TEKT5: variants seen among roughly 807,000 people sequenced by gnomAD.
TEKT5 encodes the protein tektin 5.
Under a neutral mutation model 48.7 loss-of-function variants are expected in TEKT5, and 52 were observed. That is an observed-to-expected ratio of 1.07 (90% CI 0.86 to 1.35). The LOEUF is 1.35. Among genes scored for constraint, TEKT5 ranks in the 40% most tolerant of loss-of-function variants. The pLI, the probability that TEKT5 is intolerant of heterozygous loss-of-function variation, is 0.00. For synonymous variants in TEKT5, 318 were observed against 267.6 expected, an observed-to-expected ratio of 1.19 and a Z score of -1.84; for missense variants, 831 against 641.6, an observed-to-expected ratio of 1.30 and a Z score of -3.19.
intron 4 of TEKT5, among the ~76,000 whole-genome samples, chr16:10,678,153 G>C (rs1898681467): frequency 6.6e-6 from 1 of 152,118 alleles, no homozygotes; most frequent in Admixed American, 6.6e-5. Flanking sequence ...TGAAGGTCTT[G>C]AGTGGCGGGA....
At position 10,635,849 on chromosome 16, in the gene TEKT5, C is replaced by T. The variant is rs1286717566; in HGVS notation, c.1156G>A (p.Gly386Ser). Residue 386 changes from glycine to serine, a missense_variant, in exon 6 of 7, where the codon GGC (glycine) becomes AGC (serine). Physicochemically the swap from Gly to Ser is moderately conservative, Grantham distance 56. Coordinates refer to ENST00000283025, the MANE Select transcript of TEKT5 (RefSeq NM_144674.2). Reference protein sequence around the residue: ...LLERSIMAKEGPLKVAQTRLE... With the variant: ...LLERSIMAKESPLKVAQTRLE... ...CTTGTCTGGGCCACCTTCAGCGGGC[C>T]CTCCTTGGCCATGATGGACCTTTCC... 1 of 1,614,138 alleles carries T rather than the reference C, an allele frequency of 6.2e-7. No individual in the cohort carries two copies. The highest frequency in any genetic ancestry group is 1.7e-5 in the Admixed American group (1 of 60,014).
chr16:10,686,238 A>G (rs1166576637), intron 3 of TEKT5, among the ~76,000 whole-genome samples: 1 of 152,240 alleles, frequency 6.6e-6, no homozygotes, highest in African/African-American at 2.4e-5. Flanking sequence ...GTGGAAAGGT[A>G]CATGCCGAAG....
At chr16:10,666,909 G>C (rs1384192467) in intron 5 of TEKT5, among the ~76,000 whole-genome samples, 1 of 152,046 alleles carries the variant, frequency 6.6e-6, no homozygotes, top group African/African-American at 2.4e-5. Context: ...ACTGATGCAG[G>C]GGTAACTATT....
Position 10,690,000 on chromosome 16 carries a change from C to T in TEKT5, c.590G>A (p.Arg197Gln), listed in dbSNP as rs745599386. 3.1e-6 allele frequency: 5 copies of T among 1,614,056 alleles called. No individual in the cohort carries two copies. The highest frequency in any genetic ancestry group is 1.3e-5 in the African/African-American group (1 of 75,024). ...CAAATCAATCCCAATCCTCTTCTCT[C>T]GATGGTACAGACACTCCAAGGCCAC... ...LQVALECLYH[R>Q]EKRIGIDLVH... The change falls in exon 2 of 7, where the codon CGA becomes CAA. Residue 197 changes from arginine (R) to glutamine (Q), a missense_variant. Transcript: ENST00000283025.
intron 5 of TEKT5, among the ~76,000 whole-genome samples, chr16:10,647,874 C>T (rs1277675383): frequency 2.6e-5 from 4 of 152,236 alleles, no homozygotes; most frequent in African/African-American, 7.2e-5. Context: ...CTGTTCTAGG[C>T]AGTGGATCCG....
Position 10,694,359 on chromosome 16 carries a change from A to C in TEKT5, c.515T>G (p.Val172Gly), listed in dbSNP as rs200113019. 1 of 1,613,104 alleles carries C rather than the reference A, an allele frequency of 6.2e-7. No homozygotes were observed. Among genetic ancestry groups the C allele is most frequent in the Non-Finnish European group, 8.5e-7 (1 of 1,179,496 alleles). The change falls in exon 1 of 7, where the codon GTC (valine) becomes GGC (glycine). Residue 172 changes from valine (V) to glycine (G), a missense_variant. Coordinates refer to ENST00000283025, the MANE Select transcript of TEKT5 (RefSeq NM_144674.2). ...GGCCGCGCACTCCAGCCGCCTCTTG[A>C]CCGTCTCCAAGTTCTGGTTCTCAGT... ...LLTENQNLET[V>G]KRRLECAANE...
chr16:10,682,886 G>A (rs1032420052), intron 3 of TEKT5, among the ~76,000 whole-genome samples: 1 of 152,198 alleles, frequency 6.6e-6, no homozygotes, highest in Non-Finnish European at 1.5e-5. Context: ...TTTGGACAAA[G>A]CCTGATGCAA....
rs1898957229 is a variant in TEKT5, at chr16:10,690,721, G to C, written c.565-696C>G. 4 of 985,302 alleles carry C rather than the reference G, an allele frequency of 4.1e-6. No homozygotes were observed. In the African/African-American group the frequency reaches 7.0e-5, roughly 17 times the overall value. 61.0% of individuals were successfully genotyped at this position (985,302 alleles called of 1,614,324 possible). On this transcript the variant is annotated intron_variant, in intron 1 of 6. Coordinates refer to ENST00000283025, the MANE Select transcript of TEKT5 (RefSeq NM_144674.2). ...CAACTCTCATGCAGACCTGGGCAGA[G>C]CAGAAGAGAGGACAGGACAAGGGGC... is the stretch of plus-strand genomic sequence containing the variant.
chr16:10,688,975 C>T (rs1431716211), intron 3 of TEKT5, among the ~76,000 whole-genome samples: 3 of 152,160 alleles, frequency 2.0e-5, no homozygotes, highest in East Asian at 1.9e-4. Flanking sequence ...CAGCGATGCA[C>T]GGGTTGTGAG....
At chr16:10,647,268 G>A (rs1046935330) in intron 5 of TEKT5, among the ~76,000 whole-genome samples, 1 of 151,772 alleles carries the variant, frequency 6.6e-6, no homozygotes, top group East Asian at 1.9e-4. Context: ...CCAGGAATTC[G>A]ACCAGCTTGG....
At chr16:10,693,460 G>T (rs1899017098) in intron 1 of TEKT5, among the ~76,000 whole-genome samples, 1 of 152,184 alleles carries the variant, frequency 6.6e-6, no homozygotes, top group Non-Finnish European at 1.5e-5. Flanking sequence ...GCTTCGCCCT[G>T]TCCTAGGCTG....
At chr16:10,666,007 G>A (rs1358311058) in intron 5 of TEKT5, among the ~76,000 whole-genome samples, 1 of 152,212 alleles carries the variant, frequency 6.6e-6, no homozygotes, top group Non-Finnish European at 1.5e-5. Flanking sequence ...AGCACTTTGG[G>A]AGGCCGAGGC....
intron 2 of TEKT5, among the ~76,000 whole-genome samples, 173 bp downstream of exon 2, chr16:10,689,769 T>G (rs1353513683): frequency 1.3e-5 from 2 of 152,118 alleles, no homozygotes; most frequent in African/African-American, 2.4e-5. Flanking sequence ...ATAACTCCAT[T>G]ACTCCCTGTT....
chr16:10,644,129 C>T (rs1898034677), intron 5 of TEKT5, among the ~76,000 whole-genome samples: 1 of 152,178 alleles, frequency 6.6e-6, no homozygotes, highest in Non-Finnish European at 1.5e-5. Flanking sequence ...ACACAAGGGG[C>T]TTGCACTGTA....
chr16:10,682,050 A>T lies in TEKT5; in HGVS notation c.806T>A (p.Leu269Gln). Residue 269 changes from leucine to glutamine, a missense_variant, in exon 4 of 7, where the codon CTG (leucine) becomes CAG (glutamine). Transcript: ENST00000283025. ...GCTGATGCAGTCTGACGTATTTCTC[A>T]GGTTAAAGCACTTCTCATCGATACA... is the stretch of plus-strand genomic sequence containing the variant. Reference protein sequence around the residue: ...AQCIDEKCFNLRNTSDCISFF... With the variant: ...AQCIDEKCFNQRNTSDCISFF... The T allele has an allele frequency of 6.2e-7, 1 of 1,614,112 alleles. No homozygotes were observed. The highest frequency in any genetic ancestry group is 1.3e-5 in the African/African-American group (1 of 75,028).
chr16:10,656,145 C>T (rs948020575), intron 5 of TEKT5, among the ~76,000 whole-genome samples: 1 of 152,208 alleles, frequency 6.6e-6, no homozygotes, highest in African/African-American at 2.4e-5. Context: ...CACTAGATGC[C>T]AGTAGCACCC....
Position 10,629,398 on chromosome 16 carries a change from G to A in TEKT5, c.1242-1599C>T, listed in dbSNP as rs1031056400. Among the ~76,000 whole-genome samples the A allele has an allele frequency of 4.6e-5, 7 of 152,084 alleles. No homozygotes were observed. In the South Asian group the frequency reaches 1.5e-3, roughly 32 times the overall value. On this transcript the variant is annotated intron_variant, in intron 6 of 6. Transcript: ENST00000283025. ...CCCAAGTAGCTGGGATTACAGGCAC[G>A]TGCCGCCACACCCAGCTAATTTTTC... is the stretch of plus-strand genomic sequence containing the variant.
intron 3 of TEKT5, 27 bp from the exon 4 acceptor site, chr16:10,682,163 G>T (rs766955111): frequency 6.2e-7 from 1 of 1,611,556 alleles, no homozygotes; most frequent in Admixed American, 1.7e-5. Context: ...GTCATTCCTG[G>T]ACTATGCACC....
At chr16:10,689,376 C>A (rs8054135) in intron 2 of TEKT5, 53 bp from the exon 3 acceptor site, 3 of 1,476,174 alleles carry the variant, frequency 2.0e-6, no homozygotes, top group Non-Finnish European at 2.8e-6. Flanking sequence ...TCACAGTCTT[C>A]TCTCCCAGGC....
Sources: gnomAD v4.1 joint callset for allele counts (sites outside exome capture counted in the v4.1 genomes callset) on GRCh38, gnomAD v4.1.1 for gene constraint, MANE v1.5 for transcripts, NCBI Gene and HGNC (gene_info 2026-07-23, HGNC 2026-07-21) for gene names.